Variants in SLX4 observed in about 807,000 individuals in gnomAD.
SLX4 encodes structure-specific endonuclease subunit SLX4.
In SLX4, 112 loss-of-function variants were observed where a neutral mutation model predicts 146.2. The observed-to-expected ratio is 0.77, with a 90% CI of 0.66 to 0.90. The LOEUF is 0.90. Among genes scored for constraint, SLX4 ranks in the 40% least tolerant of loss-of-function variants. SLX4 has a pLI of 0.00. For missense variants in SLX4, 2,563 were observed against 2,392.7 expected (o/e 1.07, Z -1.49); for synonymous variants, 1,061 against 997.7 (o/e 1.06, Z -1.20).
In SLX4 at chr16:3,589,327, G is replaced by C; in HGVS notation, c.4311C>G (p.Pro1437=). Residue 1437 remains proline (P), a synonymous_variant, in exon 12 of 15, where the codon CCC becomes CCG. Coordinates refer to ENST00000294008, the MANE Select transcript of SLX4 (RefSeq NM_032444.4). The surrounding 1 kb of genome is among the most constrained non-coding windows in gnomAD (Gnocchi z 6.2). ...TCCGCTCCAGGTTCCAGTGGTCAAT[G>C]GGAATTGGCGAGAGGGGCTCCATGT... ...CWHMEPLSPI[P]IDHWNLERTG... 6.3e-7 allele frequency: 1 copy of C among 1,577,620 alleles called. No homozygotes were observed.
rs1374148340 is a variant in SLX4, at chr16:3,581,852, G to A, written c.*490C>T. On this transcript the variant is annotated 3_prime_UTR_variant, in exon 15 of 15. Coordinates refer to ENST00000294008, the MANE Select transcript of SLX4 (RefSeq NM_032444.4). The stretch of plus-strand genomic sequence containing the variant: ...GAGCTCTGGAGTTTGTGACCAGCCT[G>A]AGCAACATGGTGAAACCCCGTTTCT... 4 of 186,472 alleles carry A rather than the reference G, an allele frequency of 2.1e-5. No individual in the cohort carries two copies. The highest frequency in any genetic ancestry group is 1.1e-4 in the East Asian group (1 of 9,478). The allele number at this position is 186,472 out of a possible 1,614,324, so 11.6% of individuals were successfully genotyped here. A position where few individuals can be genotyped will look rare whatever the true frequency, so the allele number is the denominator to read the frequency against.
At chr16:3,588,147 A>G (rs764729113) in intron 12 of SLX4, among the ~76,000 whole-genome samples, 4 of 152,232 alleles carry the variant, frequency 2.6e-5, no homozygotes, top group South Asian at 2.1e-4. Context: ...AGTATTCACA[A>G]TGTTGTACAA....
chr16:3,609,359 G>C lies in SLX4; in HGVS notation c.-395C>G. 4.5e-6 allele frequency: 1 copy of C among 222,306 alleles called. No individual in the cohort carries two copies. The highest frequency in any genetic ancestry group is 9.2e-6 in the Non-Finnish European group (1 of 108,148). 13.8% of individuals were successfully genotyped at this position (222,306 alleles called of 1,614,324 possible). On this transcript the variant is annotated 5_prime_UTR_variant, in exon 2 of 15. The change creates a new upstream start codon in the 5' untranslated region. Coordinates refer to ENST00000294008, the MANE Select transcript of SLX4 (RefSeq NM_032444.4). ...GGAGGCGGAGATTGCAGTGAGCCGA[G>C]ATCGTGCCACTGCACTCTAACCTGG...
chr16:3,590,741 T>A lies in SLX4; in HGVS notation c.2897A>T (p.Gln966Leu). The change falls in exon 12 of 15, where the codon CAG becomes CTG. Residue 966 changes from glutamine (Q) to leucine (L), a missense_variant. Transcript: ENST00000294008. The surrounding 1 kb of genome is among the most constrained non-coding windows in gnomAD (Gnocchi z 4.8). ...SSCSSPSRDC[Q>L]AERKEGSLPH... ...AAGAGAGCCTTCTTTTCTCTCTGCC[T>A]GGCAGTCCCTGGAAGGGCTGGAGCA... 6.2e-7 allele frequency: 1 copy of A among 1,614,138 alleles called. No homozygotes were observed. The highest frequency in any genetic ancestry group is 8.5e-7 in the Non-Finnish European group (1 of 1,180,036).
intron 10 of SLX4, among the ~76,000 whole-genome samples, chr16:3,594,216 T>G (rs539718503): frequency 5.3e-5 from 8 of 152,232 alleles, no homozygotes; most frequent in African/African-American, 1.7e-4. Context: ...GTTTCCCAGT[T>G]GTGAGGCCAT....
chr16:3,602,284 G>C lies in SLX4; in HGVS notation c.784C>G (p.Pro262Ala). ...GNVYGLGPPA[P>A]ESDAAVALTL... Reference sequence around the variant, plus strand: ...AAGGCCACCGCAGCGTCGCTCTCTGGGGCAGGGGGCCCAAGCCCATACACT... The same window carrying C: ...AAGGCCACCGCAGCGTCGCTCTCTGCGGCAGGGGGCCCAAGCCCATACACT... Residue 262 changes from proline to alanine, a missense_variant, in exon 4 of 15, where the codon CCA becomes GCA. Coordinates refer to ENST00000294008, the MANE Select transcript of SLX4 (RefSeq NM_032444.4). The C allele has an allele frequency of 6.2e-7, 1 of 1,614,060 alleles. No homozygotes were observed.
intron 5 of SLX4, among the ~76,000 whole-genome samples, chr16:3,599,153 A>G (rs1005680629): frequency 2.0e-5 from 3 of 152,200 alleles, no homozygotes; most frequent in Non-Finnish European, 2.9e-5. Flanking sequence ...CGTCTATTCT[A>G]AGGCCTCAAG....
intron 5 of SLX4, among the ~76,000 whole-genome samples, chr16:3,598,443 G>A (rs1392601402): frequency 2.6e-5 from 4 of 152,220 alleles, no homozygotes; most frequent in African/African-American, 9.6e-5. Context: ...CTCCACGGCA[G>A]TGCCTCTGTC....
Position 3,582,501 on chromosome 16 carries a change from C to T in SLX4, c.5346G>A (p.Gln1782=). 6.2e-7 allele frequency: 1 copy of T among 1,614,066 alleles called. No homozygotes were observed. The highest frequency in any genetic ancestry group is 2.2e-5 in the East Asian group (1 of 44,890). The change falls in exon 15 of 15, where the codon CAG becomes CAA. Residue 1782 remains glutamine (Q), a synonymous_variant. Transcript: ENST00000294008. ...GGAGGCCGTTCTGCCTCAGCTCTGCCTGCAGCTCCCGCAGCTCAAAGGGCT... is the reference window on the plus strand; with the variant it reads ...GGAGGCCGTTCTGCCTCAGCTCTGCTTGCAGCTCCCGCAGCTCAAAGGGCT... The part of the protein sequence containing the change: ...LYQPFELREL[Q]AELRQNGLRV...
intron 13 of SLX4, among the ~76,000 whole-genome samples, chr16:3,584,145 G>A (rs567204141): frequency 7.9e-5 from 12 of 151,434 alleles, no homozygotes; most frequent in African/African-American, 1.9e-4. Context: ...GGCCTCCGCC[G>A]GGCACAGTGG....
At chr16:3,584,269 C>G (rs1454120406) in intron 13 of SLX4, among the ~76,000 whole-genome samples, 2 of 151,876 alleles carry the variant, frequency 1.3e-5, no homozygotes, top group African/African-American at 4.8e-5. Context: ...AAAAATACAA[C>G]AATTAGCCTG....
Position 3,597,666 on chromosome 16 carries a change from C to T in SLX4, c.1396G>A (p.Val466Ile), listed in dbSNP as rs1018886618. 1.2e-6 allele frequency: 2 copies of T among 1,613,888 alleles called. No individual in the cohort carries two copies. Among genetic ancestry groups the T allele is most frequent in the Admixed American group, 3.3e-5 (2 of 60,000 alleles). ...ENKSRKKKPP[V>I]SPPLLLVQDS... Reference sequence around the variant, plus strand: ...TGGACTAACAACAATGGGGGGGATACCGGGGGTTTCTTCTTGCGACTTTTA... The same window carrying T: ...TGGACTAACAACAATGGGGGGGATATCGGGGGTTTCTTCTTGCGACTTTTA... Residue 466 changes from valine to isoleucine, a missense_variant, in exon 7 of 15, where the codon GTA becomes ATA. Physicochemically the swap from Val to Ile is conservative, Grantham distance 29. Coordinates refer to ENST00000294008, the MANE Select transcript of SLX4 (RefSeq NM_032444.4). This position sits in a 1 kb window ranked among gnomAD's most constrained non-coding sequence, Gnocchi z 4.4.
Position 3,602,277 on chromosome 16 carries a change from C to G in SLX4, c.791G>C (p.Ser264Thr). 6.2e-7 allele frequency: 1 copy of G among 1,614,142 alleles called. No homozygotes were observed. The highest frequency in any genetic ancestry group is 8.5e-7 in the Non-Finnish European group (1 of 1,180,052). ...CAGGGTCAAGGCCACCGCAGCGTCG[C>G]TCTCTGGGGCAGGGGGCCCAAGCCC... Reference protein sequence around the residue: ...VYGLGPPAPESDAAVALTLQQ... With the variant: ...VYGLGPPAPETDAAVALTLQQ... The change falls in exon 4 of 15, where the codon AGC (serine) becomes ACC (threonine). Residue 264 changes from serine to threonine, a missense_variant. Transcript: ENST00000294008.
Position 3,609,109 on chromosome 16 carries a change from A to C in SLX4, c.-145T>G. ...ACATGTTTAAAGCTTCCCTCTGTTA[A>C]AGTCCACAACTGGGCCGGGCGCGGT... is the stretch of plus-strand genomic sequence containing the variant. On this transcript the variant is annotated 5_prime_UTR_variant, in exon 2 of 15. Coordinates refer to ENST00000294008, the MANE Select transcript of SLX4 (RefSeq NM_032444.4). 3.8e-6 allele frequency: 4 copies of C among 1,054,236 alleles called. No homozygotes were observed. Among genetic ancestry groups the C allele is most frequent in the Non-Finnish European group, 5.5e-6 (4 of 722,004 alleles). The allele number at this position is 1,054,236 out of a possible 1,614,324, so 65.3% of individuals were successfully genotyped here.
At chr16:3,606,173 C>T (rs1389143659) in intron 3 of SLX4, among the ~76,000 whole-genome samples, 1 of 151,668 alleles carries the variant, frequency 6.6e-6, no homozygotes, top group Non-Finnish European at 1.5e-5. Flanking sequence ...ATTGCTTGAA[C>T]CTGGGAGGCG....
Position 3,583,358 on chromosome 16 carries a change from G to A in SLX4, c.4892C>T (p.Ser1631Phe), listed in dbSNP as rs763539738. Residue 1631 changes from serine to phenylalanine, a missense_variant, in exon 14 of 15, where the codon TCC (serine) becomes TTC (phenylalanine). Physicochemically the swap from Ser to Phe is radical, Grantham distance 155. Coordinates refer to ENST00000294008, the MANE Select transcript of SLX4 (RefSeq NM_032444.4). ...TGCCCTTGAAGGCTTGTAGGTCTGG[G>A]AGGCGAGGGTCTGGCAGTGAGGCGC... ...LQAPHCQTLA[S>F]QTYKPSRAGV... 25 of 1,613,308 alleles carry A rather than the reference G, an allele frequency of 1.5e-5. No homozygotes were observed. The highest frequency in any genetic ancestry group is 1.2e-4 in the Admixed American group (7 of 59,934).
chr16:3,589,736 C>T lies in SLX4; in HGVS notation c.3902G>A (p.Gly1301Glu), dbSNP rs1307466531. The T allele has an allele frequency of 1.9e-6, 3 of 1,613,916 alleles. No individual in the cohort carries two copies. The highest frequency in any genetic ancestry group is 2.5e-6 in the Non-Finnish European group (3 of 1,180,038). The change falls in exon 12 of 15, where the codon GGG (glycine) becomes GAG (glutamate). Residue 1301 changes from glycine (G) to glutamate (E), a missense_variant. Gly to Glu is a moderately conservative substitution (Grantham distance 98). Coordinates refer to ENST00000294008, the MANE Select transcript of SLX4 (RefSeq NM_032444.4). The surrounding 1 kb of genome is among the most constrained non-coding windows in gnomAD (Gnocchi z 6.2). ...TPRASVGNRE[G>E]NEVAQKFSVI... is the part of the protein sequence containing the mutation. ...AGAAAACTTCTGTGCGACTTCGTTCCCTTCCCTGTTTCCTACTGAGGCCCT... is the reference window on the plus strand; with the variant it reads ...AGAAAACTTCTGTGCGACTTCGTTCTCTTCCCTGTTTCCTACTGAGGCCCT...
In SLX4 at chr16:3,597,847, G is replaced by A. The variant is rs1175196086; in HGVS notation, c.1316C>T (p.Pro439Leu). The change falls in exon 6 of 15, where the codon CCA becomes CTA. Residue 439 changes from proline (P) to leucine (L), a missense_variant. Pro to Leu is a moderately conservative substitution (Grantham distance 98, BLOSUM62 -3). Transcript: ENST00000294008. The surrounding 1 kb of genome is among the most constrained non-coding windows in gnomAD (Gnocchi z 4.4). ...RSEMEPGAAV[P>L]ALRLESAFSE... ...AAAGGCACTTTCCAGCCTGAGCGCT[G>A]GTACAGCCGCACCCGGCTCCATCTC... 1 of 1,614,000 alleles carries A rather than the reference G, an allele frequency of 6.2e-7. No homozygotes were observed. Among genetic ancestry groups the A allele is most frequent in the Admixed American group, 1.7e-5 (1 of 60,000 alleles).
In SLX4 at chr16:3,589,071, C is replaced by G. The variant is rs148542931; in HGVS notation, c.4567G>C (p.Glu1523Gln). Residue 1523 changes from glutamate to glutamine, a missense_variant, in exon 12 of 15, where the codon GAG (glutamate) becomes CAG (glutamine). Transcript: ENST00000294008. The surrounding 1 kb of genome is among the most constrained non-coding windows in gnomAD (Gnocchi z 6.2). ...GGCATCTGGGCCGGAGGAGGGGTCT[C>G]TGGAGGCCTCTGCTCTTCCCCGTCC... ...VWDGEEQRPP[E>Q]TPPPAQMPSA... 171 of 1,614,024 alleles carry G rather than the reference C, an allele frequency of 1.1e-4. No homozygotes were observed. The highest frequency in any genetic ancestry group is 1.4e-4 in the Non-Finnish European group (167 of 1,180,054).
Sources: allele counts gnomAD v4.1 joint callset (sites outside exome capture counted in the v4.1 genomes callset), GRCh38; gene constraint gnomAD v4.1.1; non-coding constraint Gnocchi (gnomAD v3.1); transcripts MANE v1.5; gene names NCBI Gene and HGNC (gene_info 2026-07-23, HGNC 2026-07-21).